ARMH3: variants seen among roughly 807,000 people sequenced by gnomAD.
ARMH3 encodes armadillo-like helical domain-containing protein 3.
ARMH3 carries 60 observed loss-of-function variants against 99.1 expected under a neutral mutation model. The ratio of observed to expected loss-of-function variants is 0.61; its 90% CI spans 0.49 to 0.75. The LOEUF (loss-of-function observed/expected upper bound fraction) is 0.75. Ranked by LOEUF, ARMH3 falls within the 30% of genes least tolerant of loss-of-function variation. ARMH3 has a pLI of 0.00. For missense variants in ARMH3, 679 were observed against 843.1 expected (o/e 0.81, Z 2.41); for synonymous variants, 285 against 292.8 (o/e 0.97, Z 0.27).
At chr10:101,979,390 T>C (rs1564815160) in intron 19 of ARMH3, among the ~76,000 whole-genome samples, 1 of 152,252 alleles carries the variant, frequency 6.6e-6, no homozygotes, top group South Asian at 2.1e-4. Flanking sequence ...ATTCTATTAT[T>C]TCATTTATAT....
At chr10:101,859,547 C>A (rs1477151457) in intron 24 of ARMH3, among the ~76,000 whole-genome samples, 1 of 152,246 alleles carries the variant, frequency 6.6e-6, no homozygotes, top group African/African-American at 2.4e-5. Flanking sequence ...AATATACAAG[C>A]TATAGCTATG....
chr10:101,995,073 AAC>A (rs1846991664), intron 16 of ARMH3, among the ~76,000 whole-genome samples: 4 of 152,218 alleles, frequency 2.6e-5, no homozygotes. Context: ...ACAGTTTAAA[AAC>A]ACAGTGCTAA....
chr10:101,939,878 G>A lies in ARMH3; in HGVS notation c.1766C>T (p.Ala589Val), dbSNP rs1844160549. The change falls in exon 23 of 26, where the codon GCA (alanine) becomes GTA (valine). Residue 589 changes from alanine to valine, a missense_variant. Physicochemically the swap from Ala to Val is moderately conservative, Grantham distance 64. Coordinates refer to ENST00000370033, the MANE Select transcript of ARMH3 (RefSeq NM_024541.3). ...CATTCCTTACCTGATATTAACCAAT[G>A]CATGGGTCACCTTGCTAGCTGCTTC... The part of the protein sequence containing the change: ...WKEAASKVTH[A>V]LVNIRAIINH... 3 of 1,613,550 alleles carry A rather than the reference G, an allele frequency of 1.9e-6. No homozygotes were observed. Among genetic ancestry groups the A allele is most frequent in the African/African-American group, 1.3e-5 (1 of 74,904 alleles).
chr10:101,868,092 C>A (rs2067047158), intron 24 of ARMH3, among the ~76,000 whole-genome samples: 1 of 151,956 alleles, frequency 6.6e-6, no homozygotes, highest in African/African-American at 2.4e-5. Context: ...GGATTTACTA[C>A]AGAGTCAAAT....
chr10:102,001,957 T>C lies in ARMH3; in HGVS notation c.1150+14A>G, dbSNP rs1276207318. ...CCTTTGACTTCCTGAGCCCCCAAAA[T>C]AGCTATGGCTTACCTTTGGTGTCCT... On this transcript the variant is annotated intron_variant, in intron 15 of 25. Coordinates refer to ENST00000370033, the MANE Select transcript of ARMH3 (RefSeq NM_024541.3). The C allele has an allele frequency of 5.0e-6, 8 of 1,611,656 alleles. No individual in the cohort carries two copies. In the African/African-American group the frequency reaches 6.7e-5, roughly 13 times the overall value.
At chr10:101,983,274 TTTTTA>T (rs767714325) in intron 19 of ARMH3, among the ~76,000 whole-genome samples, 12 of 152,144 alleles carry the variant, frequency 7.9e-5, no homozygotes, top group South Asian at 6.2e-4. Flanking sequence ...TGGCCAGTGG[TTTTTA>T]TTTTATTTTA....
intron 23 of ARMH3, among the ~76,000 whole-genome samples, chr10:101,936,560 G>A (rs1843987287): frequency 6.6e-6 from 1 of 150,650 alleles, no homozygotes; most frequent in Non-Finnish European, 1.5e-5. Flanking sequence ...TCTGAGGAAG[G>A]GTCAAAATGC....
At chr10:102,009,082 C>G (rs1453378554) in intron 13 of ARMH3, among the ~76,000 whole-genome samples, 1 of 152,078 alleles carries the variant, frequency 6.6e-6, no homozygotes, top group African/African-American at 2.4e-5. Flanking sequence ...CGGATAATAC[C>G]AGGGATTTCT....
chr10:102,041,075 C>CATATAT (rs59281655), intron 1 of ARMH3, among the ~76,000 whole-genome samples: 1 of 132,002 alleles, frequency 7.6e-6, no homozygotes, highest in East Asian at 2.1e-4. Context: ...ATTGTGTGTA[C>CATATAT]ATATATATAT....
At chr10:101,908,089 T>G (rs1338439308) in intron 23 of ARMH3, among the ~76,000 whole-genome samples, 6 of 151,994 alleles carry the variant, frequency 3.9e-5, no homozygotes, top group African/African-American at 1.4e-4. Flanking sequence ...AAGAACTGAA[T>G]TTTAAATTTT....
intron 4 of ARMH3, among the ~76,000 whole-genome samples, chr10:102,030,607 G>C (rs1395107051): frequency 6.6e-6 from 1 of 152,138 alleles, no homozygotes; most frequent in African/African-American, 2.4e-5. Context: ...CTATTCAGCA[G>C]GCTGAGGCAG....
At chr10:101,928,701 A>T (rs1332946150) in intron 23 of ARMH3, among the ~76,000 whole-genome samples, 2 of 152,252 alleles carry the variant, frequency 1.3e-5, no homozygotes, top group East Asian at 3.9e-4. Flanking sequence ...AAAATACAAT[A>T]CAATAAGATA....
chr10:102,053,773 C>T (rs1473634027), intron 1 of ARMH3, among the ~76,000 whole-genome samples: 1 of 151,950 alleles, frequency 6.6e-6, no homozygotes, highest in Non-Finnish European at 1.5e-5. Context: ...CATTCTCCTG[C>T]CTCAGCCTCC....
chr10:101,984,270 T>G (rs898952316), intron 19 of ARMH3, among the ~76,000 whole-genome samples: 1 of 152,206 alleles, frequency 6.6e-6, no homozygotes, highest in Non-Finnish European at 1.5e-5. Context: ...AATTTGCTGA[T>G]TTTTAGAAAT....
intron 23 of ARMH3, among the ~76,000 whole-genome samples, chr10:101,891,259 G>A (rs901486462): frequency 1.5e-4 from 23 of 151,472 alleles, no homozygotes; most frequent in African/African-American, 4.4e-4. Flanking sequence ...GCAATGGTGC[G>A]ATCTCAGCTC....
intron 15 of ARMH3, 118 bp downstream of exon 15, chr10:102,001,853 G>A: frequency 3.4e-6 from 3 of 881,970 alleles, no homozygotes; most frequent in Non-Finnish European, 5.4e-6. Flanking sequence ...TGAAGACCAT[G>A]TACACAAGGC....
chr10:101,989,977 G>A (rs1290465092), intron 19 of ARMH3, among the ~76,000 whole-genome samples: 1 of 152,144 alleles, frequency 6.6e-6, no homozygotes, highest in Non-Finnish European at 1.5e-5. Context: ...ACAGACCCCT[G>A]CGATCACTAT....
In ARMH3 at chr10:101,984,694, A is replaced by T. The variant is rs74759785; in HGVS notation, c.1406+5857T>A. 8.1e-3 allele frequency among the ~76,000 whole-genome samples: 1,226 copies of T among 152,206 alleles called. 16 individuals carry two copies. The highest frequency in any genetic ancestry group is 0.013 in the South Asian group (61 of 4,822). On this transcript the variant is annotated intron_variant, in intron 19 of 25. Coordinates refer to ENST00000370033, the MANE Select transcript of ARMH3 (RefSeq NM_024541.3). ...TCCACAGTCACCAACAGGTGACATC[A>T]TTAGCCTTGTGGTTTCAATAATTTA...
intron 23 of ARMH3, among the ~76,000 whole-genome samples, chr10:101,900,304 C>T (rs2067943873): frequency 6.6e-6 from 1 of 152,076 alleles, no homozygotes; most frequent in Admixed American, 6.5e-5. Context: ...TTTCCAGAAG[C>T]AAGGCTCCTC....
Sources: allele counts gnomAD v4.1 joint callset (sites outside exome capture counted in the v4.1 genomes callset), GRCh38; gene constraint gnomAD v4.1.1; transcripts MANE v1.5; gene names NCBI Gene and HGNC (gene_info 2026-07-23, HGNC 2026-07-21).